The following GRM5 variants were observed in gnomAD, a reference collection of about 807,000 sequenced individuals.
The protein encoded by GRM5 is metabotropic glutamate receptor 5.
In GRM5, 19 loss-of-function variants were observed where a neutral mutation model predicts 83.1. The ratio of observed to expected loss-of-function variants is 0.23; its 90% CI spans 0.16 to 0.34. The LOEUF (loss-of-function observed/expected upper bound fraction) is 0.34. GRM5 is among the 10% of genes least tolerant of loss of function. The probability of loss-of-function intolerance (pLI) is 1.00; values close to 1 mark genes in which losing one functional copy is unlikely to be tolerated. For missense variants in GRM5, 1,160 were observed against 1,588.3 expected (o/e 0.73, Z 4.58); for synonymous variants, 675 against 633.6 (o/e 1.07, Z -0.98).
At chr11:89,055,476 T>G (rs1591082929) in intron 1 of GRM5, among the ~76,000 whole-genome samples, 1 of 152,242 alleles carries the variant, frequency 6.6e-6, no homozygotes, top group Admixed American at 6.5e-5. Flanking sequence ...GCTAATATTG[T>G]AGGATGTTTA....
At chr11:89,053,112 A>G (rs1941794757) in intron 1 of GRM5, among the ~76,000 whole-genome samples, 1 of 152,180 alleles carries the variant, frequency 6.6e-6, no homozygotes, top group African/African-American at 2.4e-5. Flanking sequence ...TCCAAGAGAT[A>G]TAGAATCTTA....
At chr11:88,777,442 A>G (rs1591508565) in intron 3 of GRM5, among the ~76,000 whole-genome samples, 1 of 152,218 alleles carries the variant, frequency 6.6e-6, no homozygotes, top group East Asian at 1.9e-4. Flanking sequence ...CTTCTGTCAA[A>G]TCGTCAAAGT....
chr11:88,766,175 A>G (rs960048678), intron 3 of GRM5, among the ~76,000 whole-genome samples: 6 of 152,046 alleles, frequency 3.9e-5, no homozygotes, highest in East Asian at 1.9e-4. Flanking sequence ...CAAACTACCA[A>G]TGATATTCTT....
chr11:88,666,269 T>A (rs1489288809), intron 3 of GRM5, among the ~76,000 whole-genome samples: 1 of 152,200 alleles, frequency 6.6e-6, no homozygotes, highest in African/African-American at 2.4e-5. Flanking sequence ...ACAGGTTTAT[T>A]CTATTTTTTA....
chr11:88,653,516 G>T, intron 3 of GRM5, 113 bp from the exon 4 acceptor site: 1 of 660,432 alleles, frequency 1.5e-6, no homozygotes, highest in South Asian at 1.9e-5. Context: ...CAGGCCCCAT[G>T]ATGGTCCTAT....
chr11:88,921,396 G>T (rs1408199850), intron 2 of GRM5, among the ~76,000 whole-genome samples: 1 of 152,152 alleles, frequency 6.6e-6, no homozygotes, highest in Non-Finnish European at 1.5e-5. Flanking sequence ...GGCCGAGGCG[G>T]ACAGATCACA....
chr11:88,597,041 C>T, intron 6 of GRM5, 143 bp downstream of exon 6: 1 of 546,302 alleles, frequency 1.8e-6, no homozygotes, highest in Non-Finnish European at 3.1e-6. Flanking sequence ...TGGGATTTCA[C>T]AAGGAATGAG....
chr11:88,752,663 G>T (rs995080728), intron 3 of GRM5, among the ~76,000 whole-genome samples: 3 of 152,002 alleles, frequency 2.0e-5, no homozygotes, highest in Non-Finnish European at 4.4e-5. Context: ...AAGCAAAAAG[G>T]ACAAAGCTGA....
intron 9 of GRM5, among the ~76,000 whole-genome samples, chr11:88,522,428 G>T (rs775246500): frequency 6.6e-6 from 1 of 152,032 alleles, no homozygotes; most frequent in Non-Finnish European, 1.5e-5. Context: ...GTGTGTGCAG[G>T]CATGTGTGTC....
At chr11:88,572,425 A>C (rs575000877) in intron 7 of GRM5, among the ~76,000 whole-genome samples, 1 of 152,290 alleles carries the variant, frequency 6.6e-6, no homozygotes, top group South Asian at 2.1e-4. Flanking sequence ...TAACAATATC[A>C]GTTCTGTTTT....
intron 4 of GRM5, among the ~76,000 whole-genome samples, chr11:88,618,791 G>C (rs1938555194): frequency 2.0e-5 from 3 of 152,130 alleles, no homozygotes; most frequent in Admixed American, 2.0e-4. Flanking sequence ...TGGCATGATA[G>C]TGCACCAAAG....
intron 8 of GRM5, among the ~76,000 whole-genome samples, chr11:88,550,012 G>A (rs568196904): frequency 7.9e-5 from 12 of 152,182 alleles, no homozygotes; most frequent in African/African-American, 2.9e-4. Flanking sequence ...AAATTAGTAG[G>A]AGAAATGACT....
intron 8 of GRM5, among the ~76,000 whole-genome samples, chr11:88,552,417 T>C (rs1278347766): frequency 2.0e-5 from 3 of 152,186 alleles, no homozygotes; most frequent in Non-Finnish European, 4.4e-5. Context: ...TTAGGAATCT[T>C]CTTCAGCTGG....
intron 2 of GRM5, among the ~76,000 whole-genome samples, chr11:89,040,574 G>T (rs1009219886): frequency 2.0e-5 from 3 of 152,102 alleles, no homozygotes; most frequent in African/African-American, 7.2e-5. Flanking sequence ...GGTCACATGT[G>T]CTTGTAGTCC....
chr11:88,950,117 G>A (rs1307368558), intron 2 of GRM5, among the ~76,000 whole-genome samples: 6 of 150,846 alleles, frequency 4.0e-5, no homozygotes, highest in East Asian at 2.0e-4. Flanking sequence ...CTCGTGATCC[G>A]CCTGCCTCAG....
chr11:88,972,191 C>T (rs1269931166), intron 2 of GRM5, among the ~76,000 whole-genome samples: 1 of 152,092 alleles, frequency 6.6e-6, no homozygotes, highest in East Asian at 1.9e-4. Flanking sequence ...AAACCTCTCC[C>T]CAACCAGAGA....
At position 88,890,570 on chromosome 11, in the gene GRM5, A is replaced by G. The variant is rs1379163084; in HGVS notation, c.662-40415T>C. On this transcript the variant is annotated intron_variant, in intron 2 of 9. Transcript: ENST00000305447. ...CATGTGACTTTAATTTTTAAGAAATAAAAATAATCTTAAGGATTATTGGTA... is the reference window on the plus strand; with the variant it reads ...CATGTGACTTTAATTTTTAAGAAATGAAAATAATCTTAAGGATTATTGGTA... Among the ~76,000 whole-genome samples, 16 of 152,200 alleles carry G rather than the reference A, an allele frequency of 1.1e-4. 1 individual carries two copies. Among genetic ancestry groups the G allele is most frequent in the Admixed American group, 1.0e-3 (16 of 15,268 alleles).
chr11:88,865,814 C>T (rs1283729872), intron 2 of GRM5, among the ~76,000 whole-genome samples: 3 of 152,052 alleles, frequency 2.0e-5, no homozygotes, highest in East Asian at 1.9e-4. Flanking sequence ...AAAAACTCAT[C>T]GTCACTGGTC....
intron 2 of GRM5, among the ~76,000 whole-genome samples, chr11:88,964,365 C>A (rs577757467): frequency 8.5e-6 from 1 of 118,208 alleles, no homozygotes; most frequent in Non-Finnish European, 2.0e-5. Flanking sequence ...AGGCAGGGCA[C>A]AGAGGGTTTT....
Sources: allele counts gnomAD v4.1 joint callset (sites outside exome capture counted in the v4.1 genomes callset), GRCh38; gene constraint gnomAD v4.1.1; transcripts MANE v1.5; gene names NCBI Gene and HGNC (gene_info 2026-07-23, HGNC 2026-07-21).